The following RNF180 variants were observed in gnomAD, a reference collection of about 807,000 sequenced individuals.
The protein encoded by RNF180 is ring finger protein 180.
A neutral mutation model predicts 59.2 loss-of-function variants in RNF180; 38 were observed. The observed-to-expected ratio is 0.64, with a 90% confidence interval of 0.50 to 0.84. The LOEUF (loss-of-function observed/expected upper bound fraction) is 0.84. RNF180 is among the 40% of genes least tolerant of loss of function. The pLI is 0.00. For synonymous variants in RNF180, 262 were observed against 240.3 expected, an observed-to-expected ratio of 1.09 and a Z score of -0.84; for missense variants, 705 against 700.9, an observed-to-expected ratio of 1.01 and a Z score of -0.07.
intron 5 of RNF180, among the ~76,000 whole-genome samples, chr5:64,319,642 G>T (rs370830511): frequency 6.6e-6 from 1 of 152,142 alleles, no homozygotes; most frequent in African/African-American, 2.4e-5. Context: ...GGGTGGGCTG[G>T]CTGAGGTCAT....
At chr5:64,167,145 A>G (rs554521636) in intron 1 of RNF180, among the ~76,000 whole-genome samples, 2 of 152,370 alleles carry the variant, frequency 1.3e-5, no homozygotes, top group African/African-American at 4.8e-5. Flanking sequence ...TACTTTGGTG[A>G]CAATGGCAGA....
intron 5 of RNF180, among the ~76,000 whole-genome samples, chr5:64,285,628 G>A (rs781762117): frequency 1.3e-5 from 2 of 152,144 alleles, no homozygotes; most frequent in Non-Finnish European, 2.9e-5. Context: ...GAGCACCATG[G>A]TTGGGCATCA....
At chr5:64,301,541 A>G (rs1743159273) in intron 5 of RNF180, among the ~76,000 whole-genome samples, 1 of 151,792 alleles carries the variant, frequency 6.6e-6, no homozygotes, top group African/African-American at 2.4e-5. Flanking sequence ...GAATGGTTAG[A>G]TCTGGAAAAT....
chr5:64,273,106 A>C (rs961166832), intron 5 of RNF180, among the ~76,000 whole-genome samples: 4 of 151,794 alleles, frequency 2.6e-5, no homozygotes, highest in African/African-American at 2.4e-5. Context: ...GGTTGTCCTC[A>C]CTCCTCATGA....
At chr5:64,357,790 A>G (rs1417009506) in intron 7 of RNF180, among the ~76,000 whole-genome samples, 2 of 151,880 alleles carry the variant, frequency 1.3e-5, no homozygotes, top group African/African-American at 2.4e-5. Context: ...ATAAATTCGA[A>G]TCATATTCCG....
chr5:64,287,988 C>T (rs1254641071), intron 5 of RNF180, among the ~76,000 whole-genome samples: 1 of 152,118 alleles, frequency 6.6e-6, no homozygotes, highest in Non-Finnish European at 1.5e-5. Context: ...TGCCTATGTC[C>T]TGAATGGTAT....
At chr5:64,359,053 G>A (rs1253551951) in intron 7 of RNF180, among the ~76,000 whole-genome samples, 1 of 150,768 alleles carries the variant, frequency 6.6e-6, no homozygotes, top group East Asian at 2.0e-4. Context: ...ATTTGGGTTG[G>A]TTCCAAGTCT....
At position 64,286,474 on chromosome 5, in the gene RNF180, C is replaced by T. The variant is rs145492634; in HGVS notation, c.1228-38712C>T. ...CAATACAGAAAAGGGGTATAATCATCAAATAATAGATAAGGGGGAACAATT... is the reference window on the plus strand; with the variant it reads ...CAATACAGAAAAGGGGTATAATCATTAAATAATAGATAAGGGGGAACAATT... On this transcript the variant is annotated intron_variant, in intron 5 of 7. Coordinates refer to ENST00000389100, the MANE Select transcript of RNF180 (RefSeq NM_001113561.2). 1.4e-4 allele frequency among the ~76,000 whole-genome samples: 22 copies of T among 152,262 alleles called. No individual in the cohort carries two copies. The East Asian group carries it at 4.1e-3, about 28-fold the overall frequency.
At chr5:64,188,825 A>G (rs1750995352) in intron 1 of RNF180, among the ~76,000 whole-genome samples, 1 of 152,110 alleles carries the variant, frequency 6.6e-6, no homozygotes, top group South Asian at 2.1e-4. Flanking sequence ...CTTGGGTTCT[A>G]TAGGTACTGT....
chr5:64,165,441 TAAAAGTCCTAG>T (rs1220151706), upstream of RNF180, among the ~76,000 whole-genome samples: 1 of 152,176 alleles, frequency 6.6e-6, no homozygotes, highest in East Asian at 1.9e-4. Context: ...GTTGCCAGCT[TAAAAGTCCTAG>T]GCATGGGGAT....
At chr5:64,329,457 CTTTTTTTTT>C (rs558648872) in intron 6 of RNF180, among the ~76,000 whole-genome samples, 1 of 135,664 alleles carries the variant, frequency 7.4e-6, no homozygotes, top group African/African-American at 2.7e-5. Context: ...CTTTTTTTTT[CTTTTTTTTT>C]TTTTTTCCCA....
chr5:64,206,796 TGAG>T (rs1444322202), intron 2 of RNF180, among the ~76,000 whole-genome samples: 6 of 152,154 alleles, frequency 3.9e-5, no homozygotes, highest in African/African-American at 1.4e-4. Flanking sequence ...AGAGATCCTG[TGAG>T]GACACAGTGA....
intron 7 of RNF180, among the ~76,000 whole-genome samples, chr5:64,337,892 A>T (rs1000133905): frequency 1.3e-5 from 2 of 151,982 alleles, no homozygotes; most frequent in African/African-American, 4.8e-5. Context: ...CATTTTCTTA[A>T]TCCAATCTAT....
At chr5:64,196,850 G>C (rs1260962009) in intron 1 of RNF180, among the ~76,000 whole-genome samples, 1 of 152,052 alleles carries the variant, frequency 6.6e-6, no homozygotes, top group Non-Finnish European at 1.5e-5. Flanking sequence ...TTTCTTAAAA[G>C]ATTGGTAAAA....
At chr5:64,241,520 CT>C (rs1230937122) in intron 5 of RNF180, among the ~76,000 whole-genome samples, 1 of 152,162 alleles carries the variant, frequency 6.6e-6, no homozygotes, top group Admixed American at 6.5e-5. Flanking sequence ...TTTATTTGAG[CT>C]GCATATGATA....
Position 64,370,214 on chromosome 5 carries a change from TCAC to T in RNF180, c.*404_*406del, listed in dbSNP as rs1277463876. On this transcript the variant is annotated 3_prime_UTR_variant, in exon 8 of 8. Transcript: ENST00000389100. ...CTTTACTGATAAAATATTTAGTCAA[TCAC>T]CACTTATTCTCAGGCAAATTATATG... 6.5e-6 allele frequency: 1 copy of T among 153,154 alleles called. No homozygotes were observed. The highest frequency in any genetic ancestry group is 2.4e-5 in the African/African-American group (1 of 41,544). 9.5% of individuals were successfully genotyped at this position (153,154 alleles called of 1,614,324 possible). A position where few individuals can be genotyped will look rare whatever the true frequency, so the allele number is the denominator to read the frequency against.
chr5:64,243,334 G>C lies in RNF180; in HGVS notation c.1227+25938G>C, dbSNP rs200051049. ...CCATGGAGCCAGCTAAGATTCACTG[G>C]CTCAAAATTATTGCTGCCAGCACAG... On this transcript the variant is annotated intron_variant, in intron 5 of 7. Coordinates refer to ENST00000389100, the MANE Select transcript of RNF180 (RefSeq NM_001113561.2). Among the ~76,000 whole-genome samples the C allele has an allele frequency of 3.3e-5, 5 of 152,314 alleles. No homozygotes were observed. The East Asian group carries it at 9.7e-4, about 29-fold the overall frequency.
intron 5 of RNF180, among the ~76,000 whole-genome samples, chr5:64,262,985 T>C (rs987225137): frequency 2.0e-5 from 3 of 152,098 alleles, no homozygotes; most frequent in African/African-American, 7.2e-5. Context: ...AGATGTAAAA[T>C]AGAAGTGAAT....
At chr5:64,231,121 G>C (rs1742074742) in intron 5 of RNF180, among the ~76,000 whole-genome samples, 1 of 152,162 alleles carries the variant, frequency 6.6e-6, no homozygotes, top group Non-Finnish European at 1.5e-5. Context: ...TTAGGTAAAA[G>C]GTATGGCACT....
Sources: allele counts gnomAD v4.1 joint callset (sites outside exome capture counted in the v4.1 genomes callset), GRCh38; gene constraint gnomAD v4.1.1; transcripts MANE v1.5; gene names NCBI Gene and HGNC (gene_info 2026-07-23, HGNC 2026-07-21).